Variants in SCML2 observed in about 807,000 individuals in gnomAD.
The protein encoded by SCML2 is sex comb on midleg-like protein 2.
Under a neutral mutation model 48.4 loss-of-function variants are expected in SCML2, and 6 were observed. The ratio of observed to expected loss-of-function variants is 0.12; its 90% CI spans 0.07 to 0.24. SCML2 has a LOEUF of 0.24. Ranked by LOEUF, SCML2 falls within the 10% of genes least tolerant of loss-of-function variation. The pLI is 1.00. For synonymous variants in SCML2, 181 were observed against 189.5 expected (o/e 0.95, Z 0.37); for missense variants, 377 against 528.2 (o/e 0.71, Z 2.81).
chrX:18,268,478 G>A (rs1206802824), intron 7 of SCML2, among the ~76,000 whole-genome samples: 10 of 108,481 alleles, frequency 9.2e-5, no homozygotes, highest in Middle Eastern at 4.8e-3. Context: ...GCAATGAGCC[G>A]AGAATGCACC....
intron 7 of SCML2, among the ~76,000 whole-genome samples, chrX:18,283,403 C>G (rs1927932265): frequency 8.9e-6 from 1 of 111,747 alleles, no homozygotes; most frequent in African/African-American, 3.3e-5. Context: ...CAAGGATGCC[C>G]ACTCTCACCA....
chrX:18,309,200 CAAAAAAAA>C (rs34188571), intron 6 of SCML2, among the ~76,000 whole-genome samples: 3 of 51,717 alleles, frequency 5.8e-5, no homozygotes, highest in African/African-American at 1.9e-4. Flanking sequence ...GACTCTGTCT[CAAAAAAAA>C]AAAAAAAAAA....
At chrX:18,313,678 AT>A (rs778117478) in intron 6 of SCML2, among the ~76,000 whole-genome samples, 20 of 111,091 alleles carry the variant, frequency 1.8e-4, no homozygotes, top group Non-Finnish European at 3.4e-4. Context: ...TCCCTCTCCC[AT>A]CCCGTATGGC....
intron 1 of SCML2, among the ~76,000 whole-genome samples, chrX:18,343,156 G>T (rs1219794019): frequency 4.0e-5 from 4 of 100,787 alleles, no homozygotes; most frequent in Admixed American, 1.1e-4. Flanking sequence ...TTTTCCTTTC[G>T]TGTGCCCCAC....
chrX:18,340,292 C>T (rs2147561935), intron 1 of SCML2, among the ~76,000 whole-genome samples: 1 of 111,578 alleles, frequency 9.0e-6, no homozygotes, highest in Admixed American at 9.5e-5. Context: ...CACACACCTG[C>T]ACTCCCAGCT....
chrX:18,319,302 A>G (rs1039763861), intron 6 of SCML2, among the ~76,000 whole-genome samples: 3 of 108,974 alleles, frequency 2.8e-5, no homozygotes, highest in African/African-American at 1.0e-4. Flanking sequence ...GAGGCATGAG[A>G]ATTGCTTTAA....
In SCML2 at chrX:18,334,045, C is replaced by G. The variant is rs1209895697; in HGVS notation, c.22+5G>C. On this transcript the variant is annotated splice_donor_5th_base_variant and intron_variant, in intron 2 of 14. Coordinates refer to ENST00000251900, the MANE Select transcript of SCML2 (RefSeq NM_006089.3). The stretch of plus-strand genomic sequence containing the variant: ...ACATTATTGCCTTTAACAAGTAAAT[C>G]TTACCTTCATTCACTGTTTGTCCCA... The G allele has an allele frequency of 5.0e-6, 6 of 1,196,302 alleles. No homozygotes were observed. Among genetic ancestry groups the G allele is most frequent in the Non-Finnish European group, 5.6e-6 (5 of 887,337 alleles).
chrX:18,354,890 TCCTACCCCCCACG>T (rs1382309034), upstream of SCML2, among the ~76,000 whole-genome samples: 2 of 112,058 alleles, frequency 1.8e-5, no homozygotes, highest in Non-Finnish European at 3.8e-5. Context: ...GCACTTTGCC[TCCTACCCCCCACG>T]CCTACGCCAA....
At chrX:18,267,590 G>GTT (rs766175364) in intron 7 of SCML2, among the ~76,000 whole-genome samples, 26,604 of 100,430 alleles carry the variant, frequency 0.26, 3,354 homozygotes, top group African/African-American at 0.43. Context: ...TTTTGTTTGG[G>GTT]TTTTTTTTTT....
At chrX:18,266,646 A>G (rs895599336) in intron 7 of SCML2, among the ~76,000 whole-genome samples, 27 of 112,675 alleles carry the variant, frequency 2.4e-4, no homozygotes, top group African/African-American at 8.0e-4. Context: ...TAAGTGAAAC[A>G]TTTATACATC....
intron 5 of SCML2, among the ~76,000 whole-genome samples, chrX:18,322,583 T>C (rs1241777253): frequency 1.8e-5 from 2 of 112,007 alleles, no homozygotes; most frequent in Admixed American, 1.9e-4. Context: ...TGGAATAACA[T>C]ATCTCCAACT....
chrX:18,324,981 G>GA lies in SCML2; in HGVS notation c.92-5dup, dbSNP rs1929434315. 2 of 1,171,096 alleles carry GA rather than the reference G, an allele frequency of 1.7e-6. No individual in the cohort carries two copies. The highest frequency in any genetic ancestry group is 3.6e-5 in the African/African-American group (2 of 55,895). ...TACTCCTCCCAGTGGAAATCATCTG[G>GA]AAAAAACACATGTGCAAAATAGTTT... On this transcript the variant is annotated splice_polypyrimidine_tract_variant and splice_region_variant and intron_variant, in intron 3 of 14. Coordinates refer to ENST00000251900, the MANE Select transcript of SCML2 (RefSeq NM_006089.3).
At chrX:18,333,386 C>G (rs1232584451) in intron 2 of SCML2, among the ~76,000 whole-genome samples, 3 of 112,177 alleles carry the variant, frequency 2.7e-5, no homozygotes, top group Non-Finnish European at 5.6e-5. Context: ...CTTATCCTCT[C>G]CTCTCTCACC....
Position 18,343,107 on chromosome X carries a change from GTTTT to G in SCML2, c.-24-9016_-24-9013del, listed in dbSNP as rs1370057858. Reference sequence around the variant, plus strand: ...TTTTCTGGGGTTTTTTGTTTGGAGAGTTTTTTTCTTTTTCTTTTCTCTTTTTTAT... The same window carrying G: ...TTTTCTGGGGTTTTTTGTTTGGAGAGTTTCTTTTTCTTTTCTCTTTTTTAT... On this transcript the variant is annotated intron_variant, in intron 1 of 14. Coordinates refer to ENST00000251900, the MANE Select transcript of SCML2 (RefSeq NM_006089.3). 2.7e-5 allele frequency among the ~76,000 whole-genome samples: 3 copies of G among 109,651 alleles called. No homozygotes were observed. In the Admixed American group the frequency reaches 2.9e-4, roughly 11 times the overall value.
At chrX:18,320,565 C>T (rs1929282678) in intron 5 of SCML2, 145 bp from the exon 6 acceptor site, 3 of 374,697 alleles carry the variant, frequency 8.0e-6, no homozygotes, top group Non-Finnish European at 1.4e-5. Context: ...GCAAGAGGAG[C>T]AGATGTACCC....
rs1927236931 is a variant in SCML2 at position 18,265,735 on chromosome X, C to T, written c.798G>A (p.Gln266=). The change falls in exon 8 of 15, where the codon CAG becomes CAA. Residue 266 remains glutamine (Q), a synonymous_variant. Transcript: ENST00000251900. ...ATATTAGAGTAGTTTTCTGTGGAGA[C>T]TGCATTGAATGCTGGCTTGCTTCGG... ...SPSEASQHSM[Q]SPQKTTLILP... The T allele has an allele frequency of 8.3e-7, 1 of 1,208,735 alleles. No individual in the cohort carries two copies. Among genetic ancestry groups the T allele is most frequent in the Non-Finnish European group, 1.1e-6 (1 of 894,529 alleles).
chrX:18,314,089 CTTT>C (rs747723736), intron 6 of SCML2, among the ~76,000 whole-genome samples: 17 of 112,183 alleles, frequency 1.5e-4, no homozygotes, highest in Non-Finnish European at 2.6e-4. Context: ...TTCACCTGGA[CTTT>C]AGCTCTTGCT....
intron 7 of SCML2, among the ~76,000 whole-genome samples, chrX:18,279,491 G>A (rs192966424): frequency 4.5e-4 from 50 of 112,027 alleles, no homozygotes; most frequent in African/African-American, 1.4e-3. Context: ...ACCTCCAAAG[G>A]AGTCTACTAG....
chrX:18,323,305 T>C (rs1929379139), intron 5 of SCML2, among the ~76,000 whole-genome samples: 2 of 112,286 alleles, frequency 1.8e-5, no homozygotes, highest in African/African-American at 6.5e-5. Context: ...ATTTTGTACC[T>C]TAAAATCTTT....
Sources: gnomAD v4.1 joint callset for allele counts (sites outside exome capture counted in the v4.1 genomes callset) on GRCh38, gnomAD v4.1.1 for gene constraint, MANE v1.5 for transcripts, NCBI Gene and HGNC (gene_info 2026-07-23, HGNC 2026-07-21) for gene names.